CCSER1: variants seen among roughly 807,000 people sequenced by gnomAD.
CCSER1 encodes the protein serine-rich coiled-coil domain-containing protein 1.
A neutral mutation model predicts 82.0 loss-of-function variants in CCSER1; 41 were observed. The observed-to-expected ratio is 0.50, with a 90% CI of 0.39 to 0.65. The LOEUF (loss-of-function observed/expected upper bound fraction) is 0.65, where lower values mean the gene tolerates loss of function less well. Among genes scored for constraint, CCSER1 ranks in the 30% least tolerant of loss-of-function variants. CCSER1 has a pLI of 0.00. For synonymous variants in CCSER1, 414 were observed against 383.9 expected (o/e 1.08, Z -0.92); for missense variants, 1,119 against 1,064.2 (o/e 1.05, Z -0.72).
intron 5 of CCSER1, among the ~76,000 whole-genome samples, chr4:90,476,706 G>T (rs1238000465): frequency 2.6e-5 from 4 of 152,162 alleles, no homozygotes; most frequent in African/African-American, 7.2e-5. Flanking sequence ...CAGAGAAACT[G>T]CTGCCCTTGA....
chr4:91,195,163 T>C (rs1735309664), intron 10 of CCSER1, among the ~76,000 whole-genome samples: 1 of 152,318 alleles, frequency 6.6e-6, no homozygotes, highest in African/African-American at 2.4e-5. Context: ...CTAGTAACAC[T>C]TCACTTTGAT....
chr4:90,538,896 G>A (rs1374106188), intron 5 of CCSER1, among the ~76,000 whole-genome samples: 1 of 151,718 alleles, frequency 6.6e-6, no homozygotes, highest in African/African-American at 2.4e-5. Context: ...TCCAGTTTTT[G>A]CATTATGTGA....
chr4:91,086,564 G>T (rs1370726613), intron 10 of CCSER1, among the ~76,000 whole-genome samples: 1 of 152,014 alleles, frequency 6.6e-6, no homozygotes, highest in Non-Finnish European at 1.5e-5. Context: ...GATTCAGGTT[G>T]CTGGGAGTTG....
chr4:91,084,884 A>T (rs1723204928), intron 9 of CCSER1, among the ~76,000 whole-genome samples: 1 of 152,076 alleles, frequency 6.6e-6, no homozygotes, highest in African/African-American at 2.4e-5. Context: ...AAGAGATAAC[A>T]TGTTTGAAAA....
At chr4:91,355,431 C>A (rs1393678076) in intron 10 of CCSER1, among the ~76,000 whole-genome samples, 1 of 152,074 alleles carries the variant, frequency 6.6e-6, no homozygotes, top group Non-Finnish European at 1.5e-5. Flanking sequence ...TCATAACACA[C>A]ATCAGGTTGG....
intron 1 of CCSER1, among the ~76,000 whole-genome samples, chr4:90,291,157 CT>C (rs1730867161): frequency 6.7e-6 from 1 of 149,946 alleles, no homozygotes; most frequent in African/African-American, 2.5e-5. Flanking sequence ...GGACATATCT[CT>C]GGCAGTGAGA....
At chr4:90,695,641 T>G in intron 6 of CCSER1, among the ~76,000 whole-genome samples, 1 of 152,192 alleles carries the variant, frequency 6.6e-6, no homozygotes, top group Non-Finnish European at 1.5e-5. Flanking sequence ...CATGGGACTT[T>G]TACTTGCTCC....
chr4:90,756,586 C>T (rs1715549177), intron 7 of CCSER1, among the ~76,000 whole-genome samples: 1 of 152,084 alleles, frequency 6.6e-6, no homozygotes, highest in South Asian at 2.1e-4. Context: ...TACTGACAGC[C>T]TTGTGTCATA....
rs142863453 is a variant in CCSER1, at chr4:90,624,197, C to A, written c.1725-3828C>A. 1.4e-3 allele frequency among the ~76,000 whole-genome samples: 220 copies of A among 152,190 alleles called. 1 individual carries two copies. The highest frequency in any genetic ancestry group is 0.014 in the Middle Eastern group (4 of 294). On this transcript the variant is annotated intron_variant, in intron 5 of 10. Transcript: ENST00000509176. ...TGAGATGCTTTTGGCCATAGACATT[C>A]CCTATAATGAAAGATGTCATTGCAC...
intron 10 of CCSER1, among the ~76,000 whole-genome samples, chr4:91,495,402 C>T (rs1758746649): frequency 6.6e-6 from 1 of 151,194 alleles, no homozygotes; most frequent in South Asian, 2.1e-4. Context: ...TTCTAGTAAC[C>T]TTATTTTGTA....
chr4:91,330,143 G>C (rs147167798), intron 10 of CCSER1, among the ~76,000 whole-genome samples: 1 of 151,876 alleles, frequency 6.6e-6, no homozygotes, highest in Non-Finnish European at 1.5e-5. Context: ...TTTACTCCAC[G>C]TACAGGTTGA....
chr4:90,685,530 T>TA (rs1485439344), intron 6 of CCSER1, among the ~76,000 whole-genome samples: 1 of 152,130 alleles, frequency 6.6e-6, no homozygotes, highest in Non-Finnish European at 1.5e-5. Context: ...CATAGGCATT[T>TA]AAAAAATGTC....
chr4:90,564,129 A>G (rs1779104662), intron 5 of CCSER1, among the ~76,000 whole-genome samples: 1 of 146,400 alleles, frequency 6.8e-6, no homozygotes. Flanking sequence ...TTATTTTGTA[A>G]TTTATTTTTT....
chr4:91,154,316 C>G (rs574818093), intron 10 of CCSER1, among the ~76,000 whole-genome samples: 1 of 152,040 alleles, frequency 6.6e-6, no homozygotes, highest in African/African-American at 2.4e-5. Flanking sequence ...GAGCCAGGCA[C>G]GGGATATAAT....
chr4:90,272,194 A>G (rs1726665357), intron 1 of CCSER1, among the ~76,000 whole-genome samples: 1 of 152,052 alleles, frequency 6.6e-6, no homozygotes, highest in African/African-American at 2.4e-5. Flanking sequence ...GTATCAATAT[A>G]AGTAGCACAA....
Position 90,193,161 on chromosome 4 carries a change from T to G in CCSER1, c.-42+65330T>G, listed in dbSNP as rs116038727. On this transcript the variant is annotated intron_variant, in intron 1 of 10. Transcript: ENST00000509176. Reference sequence around the variant, plus strand: ...AAATTGCATGTGTAGTAACCATGAATAAATAATTTTGAACCATTAGACTGA... The same window carrying G: ...AAATTGCATGTGTAGTAACCATGAAGAAATAATTTTGAACCATTAGACTGA... Among the ~76,000 whole-genome samples the G allele has an allele frequency of 4.1e-3, 621 of 152,188 alleles. 9 individuals are homozygous for G. Among genetic ancestry groups the G allele is most frequent in the African/African-American group, 0.013 (549 of 41,554 alleles).
chr4:91,564,889 C>T (rs1762810669), intron 10 of CCSER1, among the ~76,000 whole-genome samples: 1 of 151,682 alleles, frequency 6.6e-6, no homozygotes. Context: ...TCAATTTTTG[C>T]TTTTTTTGTG....
At chr4:90,159,359 A>AT (rs1728991040) in intron 1 of CCSER1, among the ~76,000 whole-genome samples, 2 of 152,146 alleles carry the variant, frequency 1.3e-5, no homozygotes, top group Admixed American at 1.3e-4. Context: ...GCCAGGTTTT[A>AT]TAAAAAAATA....
chr4:90,154,109 T>A (rs1207192784), intron 1 of CCSER1, among the ~76,000 whole-genome samples: 1 of 152,216 alleles, frequency 6.6e-6, no homozygotes, highest in Non-Finnish European at 1.5e-5. Context: ...TAGCCAGTTT[T>A]CCTAGCACCA....
Sources: allele counts gnomAD v4.1 joint callset (sites outside exome capture counted in the v4.1 genomes callset), GRCh38; gene constraint gnomAD v4.1.1; transcripts MANE v1.5; gene names NCBI Gene and HGNC (gene_info 2026-07-23, HGNC 2026-07-21).